MLXIPL: variants seen among roughly 807,000 people sequenced by gnomAD.
MLXIPL encodes carbohydrate-responsive element-binding protein.
MLXIPL carries 49 observed loss-of-function variants against 81.5 expected under a neutral mutation model. The observed-to-expected ratio is 0.60, with a 90% CI of 0.48 to 0.76. The LOEUF (loss-of-function observed/expected upper bound fraction) is 0.76. Among genes scored for constraint, MLXIPL ranks in the 30% least tolerant of loss-of-function variants. MLXIPL has a pLI of 0.00. For missense variants in MLXIPL, 1,053 were observed against 1,167.0 expected (o/e 0.90, Z 1.42); for synonymous variants, 466 against 485.5 (o/e 0.96, Z 0.53).
intron 7 of MLXIPL, among the ~76,000 whole-genome samples, chr7:73,601,005 C>T (rs549273338): frequency 2.6e-5 from 4 of 151,996 alleles, no homozygotes; most frequent in East Asian, 1.9e-4. Context: ...GCAGTTCCGA[C>T]CCCACCGTGA....
upstream of MLXIPL, among the ~76,000 whole-genome samples, chr7:73,628,783 C>T (rs558218134): frequency 2.6e-5 from 4 of 152,364 alleles, no homozygotes; most frequent in African/African-American, 7.2e-5. Flanking sequence ...CAGCAGTTTA[C>T]AGCCTCTGTA....
upstream of MLXIPL, among the ~76,000 whole-genome samples, chr7:73,626,255 T>A (rs1336844386): frequency 1.3e-5 from 2 of 152,046 alleles, no homozygotes; most frequent in African/African-American, 4.8e-5. Context: ...TTTGCCCACC[T>A]CAGCCTCTCA....
At chr7:73,632,096 C>T in the MLXIPL span, among the ~76,000 whole-genome samples, 3 of 151,558 alleles carry the variant, frequency 2.0e-5, no homozygotes, top group African/African-American at 2.4e-5. Context: ...GGGCTCAAGC[C>T]ATCCTCCTGC....
chr7:73,610,805 AGC>A (rs1554599559), intron 2 of MLXIPL: 1 of 150,966 alleles, frequency 6.6e-6, no homozygotes, highest in African/African-American at 2.4e-5. Flanking sequence ...CTCACCTTGA[AGC>A]CACACAGCCC....
intron 2 of MLXIPL, chr7:73,609,235 A>G (rs1250017661): frequency 1.7e-5 from 2 of 114,586 alleles, no homozygotes; most frequent in Non-Finnish European, 3.6e-5. Context: ...TTCCCTGGCC[A>G]CTTTTTTTTT....
chr7:73,615,409 C>T (rs540658816), intron 2 of MLXIPL, among the ~76,000 whole-genome samples: 2 of 152,220 alleles, frequency 1.3e-5, no homozygotes, highest in African/African-American at 4.8e-5. Context: ...CCCTTTTTAC[C>T]CTCGCATTCA....
intron 3 of MLXIPL, 54 bp from the exon 4 acceptor site, chr7:73,607,474 C>T (rs995138476): frequency 4.2e-5 from 64 of 1,520,624 alleles, no homozygotes; most frequent in Non-Finnish European, 5.4e-5. Context: ...ACCGCACACC[C>T]ATCTCCCACC....
At chr7:73,646,578 C>A in the MLXIPL span, among the ~76,000 whole-genome samples, 3 of 152,086 alleles carry the variant, frequency 2.0e-5, no homozygotes, top group Non-Finnish European at 2.9e-5. Flanking sequence ...AGACTGTGTC[C>A]TTAGGGGGCA....
chr7:73,622,876 A>G (rs1262793154), intron 1 of MLXIPL, among the ~76,000 whole-genome samples: 2 of 152,006 alleles, frequency 1.3e-5, no homozygotes, highest in African/African-American at 2.4e-5. Context: ...TGTAGTATAT[A>G]ATGAGCAGCC....
chr7:73,614,127 G>A (rs1218601352), intron 2 of MLXIPL, among the ~76,000 whole-genome samples: 2 of 152,104 alleles, frequency 1.3e-5, no homozygotes, highest in Non-Finnish European at 2.9e-5. Flanking sequence ...TGAGGCAGGA[G>A]AATCTCTTAA....
rs190152351 is a variant in MLXIPL, at chr7:73,599,342, C to A, written c.1071+184G>T. Reference sequence around the variant, plus strand: ...CATGCCCTTAGCTTTCTCCCACAACCGTTTTGTCCAGTTCTGCTTCACGGG... The same window carrying A: ...CATGCCCTTAGCTTTCTCCCACAACAGTTTTGTCCAGTTCTGCTTCACGGG... On this transcript the variant is annotated intron_variant, in intron 8 of 16. Transcript: ENST00000313375. Among the ~76,000 whole-genome samples, 29 of 151,642 alleles carry A rather than the reference C, an allele frequency of 1.9e-4. No individual in the cohort carries two copies. In the East Asian group the frequency reaches 5.7e-3, roughly 30 times the overall value.
the MLXIPL span, among the ~76,000 whole-genome samples, chr7:73,636,532 T>C: frequency 6.6e-6 from 1 of 152,044 alleles, no homozygotes; most frequent in Non-Finnish European, 1.5e-5. Flanking sequence ...GTCATTCAAC[T>C]GGCTGGGGTG....
At chr7:73,617,048 G>A (rs896001468) in intron 1 of MLXIPL, among the ~76,000 whole-genome samples, 8 of 151,802 alleles carry the variant, frequency 5.3e-5, no homozygotes, top group Non-Finnish European at 1.2e-4. Context: ...CGGAGTCTCA[G>A]TCTGTCATCC....
the MLXIPL span, among the ~76,000 whole-genome samples, chr7:73,637,660 G>GTA: frequency 0.16 from 24,396 of 151,904 alleles, 2,324 homozygotes; most frequent in African/African-American, 0.27. Flanking sequence ...CTGGCCCAAG[G>GTA]TTCTTACTGA....
intron 7 of MLXIPL, 27 bp downstream of exon 7, chr7:73,605,661 C>G: frequency 6.2e-7 from 1 of 1,612,234 alleles, no homozygotes; most frequent in Non-Finnish European, 8.5e-7. Context: ...TGCCCGTCCA[C>G]CCGACCTGGG....
At chr7:73,644,253 G>T in the MLXIPL span, among the ~76,000 whole-genome samples, 376 of 151,756 alleles carry the variant, frequency 2.5e-3, 2 homozygotes, top group African/African-American at 8.7e-3. Flanking sequence ...TTTCTCCCAG[G>T]CTGGAGTGAA....
In MLXIPL at chr7:73,597,721, G is replaced by T. The variant is rs73702541; in HGVS notation, c.1072-8C>A. On this transcript the variant is annotated splice_polypyrimidine_tract_variant and splice_region_variant and intron_variant, in intron 8 of 16. Coordinates refer to ENST00000313375, the MANE Select transcript of MLXIPL (RefSeq NM_032951.3). ...AGGGCAGCTGTTCCGAGCCTGGTTG[G>T]GGGGACAGACAGACACTCAGAGAGC... 115,628 of 1,336,750 alleles carry T rather than the reference G, an allele frequency of 0.086. 5,595 individuals carry two copies. The highest frequency in any genetic ancestry group is 0.16 in the African/African-American group (10,475 of 66,726). 82.8% of individuals were successfully genotyped at this position (1,336,750 alleles called of 1,614,324 possible).
rs1794385063 is a variant in MLXIPL, at chr7:73,596,998, T to C, written c.1604-66A>G. ...ACCCCCGGCATCTATCAAGACCCCATCCTGCCCCTCCCAAGAGTCCACACC... is the reference window on the plus strand; with the variant it reads ...ACCCCCGGCATCTATCAAGACCCCACCCTGCCCCTCCCAAGAGTCCACACC... On this transcript the variant is annotated intron_variant, in intron 9 of 16. Transcript: ENST00000313375. This position sits in a 1 kb window ranked among gnomAD's most constrained non-coding sequence, Gnocchi z 4.7. The C allele has an allele frequency of 8.4e-6, 13 of 1,551,654 alleles. No homozygotes were observed. Among genetic ancestry groups the C allele is most frequent in the Non-Finnish European group, 1.1e-5 (13 of 1,143,580 alleles).
In MLXIPL at chr7:73,596,529, GT is replaced by G. The variant is rs1411918031; in HGVS notation, c.1823-51del. On this transcript the variant is annotated intron_variant, in intron 11 of 16. Transcript: ENST00000313375. This position sits in a 1 kb window ranked among gnomAD's most constrained non-coding sequence, Gnocchi z 4.7. ...CAGAAAGACCGACCCAGGGGAAAGG[GT>G]CCCCATTGCCCCCTTCCTCTCATCT... The G allele has an allele frequency of 6.2e-7, 1 of 1,608,620 alleles. No homozygotes were observed. Among genetic ancestry groups the G allele is most frequent in the African/African-American group, 1.3e-5 (1 of 74,804 alleles).
Sources: allele counts gnomAD v4.1 joint callset (sites outside exome capture counted in the v4.1 genomes callset), GRCh38; gene constraint gnomAD v4.1.1; non-coding constraint Gnocchi (gnomAD v3.1); transcripts MANE v1.5; gene names NCBI Gene and HGNC (gene_info 2026-07-23, HGNC 2026-07-21).